Variants in TRAP1 observed in about 807,000 individuals in gnomAD.
TRAP1 encodes heat shock protein 75 kDa, mitochondrial.
Under a neutral mutation model 89.1 loss-of-function variants are expected in TRAP1, and 102 were observed. The observed-to-expected ratio is 1.15, with a 90% CI of 0.98 to 1.35. The LOEUF is 1.35. Ranked by LOEUF, TRAP1 falls within the 40% of genes most tolerant of loss-of-function variation. The pLI, the probability that TRAP1 is intolerant of heterozygous loss-of-function variation, is 0.00. For missense variants in TRAP1, 1,256 were observed against 945.3 expected (o/e 1.33, Z -4.31); for synonymous variants, 508 against 388.0 (o/e 1.31, Z -3.64).
chr16:3,693,781 C>T (rs2051248784), intron 1 of TRAP1, among the ~76,000 whole-genome samples: 1 of 151,962 alleles, frequency 6.6e-6, no homozygotes, highest in Non-Finnish European at 1.5e-5. Flanking sequence ...TCGCTTGAGC[C>T]CAGGGGTTTA....
intron 16 of TRAP1, chr16:3,659,798 C>CAAGCTAGAGTGAAATGGCATGATCT (rs1289608138): frequency 6.6e-6 from 1 of 152,014 alleles, no homozygotes. Flanking sequence ...CTCCTTCACC[C>CAAGCTAGAGTGAAATGGCATGATCT]AAGCTAGAGT....
chr16:3,670,655 G>A (rs939067209), intron 11 of TRAP1, among the ~76,000 whole-genome samples: 2 of 152,138 alleles, frequency 1.3e-5, no homozygotes, highest in Non-Finnish European at 2.9e-5. Flanking sequence ...AGTGAGCTGT[G>A]ATCACACCAC....
intron 1 of TRAP1, among the ~76,000 whole-genome samples, chr16:3,693,769 A>G (rs1444665259): frequency 6.6e-6 from 1 of 152,052 alleles, no homozygotes; most frequent in Non-Finnish European, 1.5e-5. Flanking sequence ...AAGGCAGGAG[A>G]ATCGCTTGAG....
chr16:3,663,321 C>G, intron 14 of TRAP1, 103 bp downstream of exon 14: 1 of 1,498,110 alleles, frequency 6.7e-7, no homozygotes, highest in Non-Finnish European at 9.0e-7. Context: ...TGGCTGAGCC[C>G]AGGTCAACTG....
intron 7 of TRAP1, among the ~76,000 whole-genome samples, chr16:3,675,657 C>T (rs1321422864): frequency 2.0e-5 from 3 of 152,224 alleles, no homozygotes; most frequent in Non-Finnish European, 4.4e-5. Context: ...GTGGCTGGAA[C>T]ATGGCTTTCT....
intron 14 of TRAP1, 191 bp from the exon 15 acceptor site, chr16:3,663,158 G>A (rs1257536413): frequency 4.6e-6 from 3 of 657,000 alleles, no homozygotes; most frequent in Admixed American, 3.0e-5. Context: ...CATACAACTT[G>A]GTTAGGGCTT....
rs2043137955 is a variant in TRAP1, at chr16:3,662,451, A to G, written c.1795-319T>C. The stretch of plus-strand genomic sequence containing the variant: ...GGCCCCTTCCTCCAAGTGACCATGC[A>G]TGGGACGCTCATTTCTCACTCTGAG... On this transcript the variant is annotated intron_variant, in intron 15 of 17. Coordinates refer to ENST00000246957, the MANE Select transcript of TRAP1 (RefSeq NM_016292.3). The G allele has an allele frequency of 2.0e-5, 11 of 537,490 alleles. No individual in the cohort carries two copies. In the South Asian group the frequency reaches 2.2e-4, roughly 11 times the overall value. 33.3% of individuals were successfully genotyped at this position (537,490 alleles called of 1,614,324 possible). A position where few individuals can be genotyped will look rare whatever the true frequency, so the allele number is the denominator to read the frequency against.
At chr16:3,669,737 A>G (rs1314860895) in intron 11 of TRAP1, among the ~76,000 whole-genome samples, 3 of 150,390 alleles carry the variant, frequency 2.0e-5, no homozygotes, top group African/African-American at 7.3e-5. Flanking sequence ...GGAGGCTGAG[A>G]CAGGAGAATG....
chr16:3,674,625 C>T (rs752604311), intron 8 of TRAP1, 131 bp from the exon 9 acceptor site: 13 of 1,116,770 alleles, frequency 1.2e-5, no homozygotes, highest in South Asian at 1.5e-5. Context: ...TGGTCTCAGG[C>T]GTAGACCCCT....
At chr16:3,668,160 G>A (rs2050862296) in intron 11 of TRAP1, among the ~76,000 whole-genome samples, 1 of 151,936 alleles carries the variant, frequency 6.6e-6, no homozygotes. Context: ...CTGACCTCGT[G>A]ATCCACCCGC....
intron 9 of TRAP1, 149 bp downstream of exon 9, chr16:3,674,190 G>C (rs1273472001): frequency 8.9e-7 from 1 of 1,127,768 alleles, no homozygotes; most frequent in Non-Finnish European, 1.2e-6. Flanking sequence ...CAAAGTGCTG[G>C]GATAACAGGC....
chr16:3,699,481 AC>A (rs1885552198), intron 1 of TRAP1, among the ~76,000 whole-genome samples: 1 of 87,606 alleles, frequency 1.1e-5, no homozygotes, highest in Admixed American at 1.1e-4. Context: ...TACTAAAAAT[AC>A]AAAATTAGCA....
chr16:3,683,705 G>T (rs2051102428), intron 4 of TRAP1, among the ~76,000 whole-genome samples: 1 of 151,548 alleles, frequency 6.6e-6, no homozygotes. Context: ...CAATCATAAG[G>T]GAAGCTGGGT....
At chr16:3,716,497 A>G (rs541178087) in intron 1 of TRAP1, among the ~76,000 whole-genome samples, 1 of 152,246 alleles carries the variant, frequency 6.6e-6, no homozygotes, top group South Asian at 2.1e-4. Context: ...TCCATCATAC[A>G]GAATACTGTG....
chr16:3,702,811 G>C (rs2051385025), intron 1 of TRAP1, among the ~76,000 whole-genome samples: 1 of 151,622 alleles, frequency 6.6e-6, no homozygotes, highest in African/African-American at 2.4e-5. Flanking sequence ...GGGAGGCTGT[G>C]GTAGGCGGAT....
chr16:3,689,154 G>T lies in TRAP1; in HGVS notation c.248-17C>A. The stretch of plus-strand genomic sequence containing the variant: ...AAGTGGAACCTAGTAATGAAACACA[G>T]ACACAACCAACAAAGTTTAACTTCT... On this transcript the variant is annotated splice_polypyrimidine_tract_variant and intron_variant, in intron 2 of 17. Coordinates refer to ENST00000246957, the MANE Select transcript of TRAP1 (RefSeq NM_016292.3). 1 of 1,601,082 alleles carries T rather than the reference G, an allele frequency of 6.2e-7. No individual in the cohort carries two copies. Among genetic ancestry groups the T allele is most frequent in the South Asian group, 1.1e-5 (1 of 90,110 alleles).
intron 11 of TRAP1, among the ~76,000 whole-genome samples, chr16:3,668,117 T>C (rs1567227029): frequency 1.3e-5 from 2 of 152,030 alleles, no homozygotes; most frequent in African/African-American, 2.4e-5. Context: ...TTAGTAGAGA[T>C]GGGGTTTCAC....
In TRAP1 at chr16:3,710,857, GTATATATA is replaced by G. The variant is rs377592883; in HGVS notation, c.88+6556_88+6563del. ...ATTAATTTCTTTTATATGTGTGTGTGTATATATATATATATATATATATTTTTTTTTTT... is the reference window on the plus strand; with the variant it reads ...ATTAATTTCTTTTATATGTGTGTGTGTATATATATATATATTTTTTTTTTT... On this transcript the variant is annotated intron_variant, in intron 1 of 17. Coordinates refer to ENST00000246957, the MANE Select transcript of TRAP1 (RefSeq NM_016292.3). 6.6e-5 allele frequency among the ~76,000 whole-genome samples: 9 copies of G among 135,646 alleles called. 1 individual carries two copies. Among genetic ancestry groups the G allele is most frequent in the East Asian group, 2.2e-4 (1 of 4,620 alleles). The allele number at this position is 135,646 out of a possible 152,430, so 89.0% of individuals were successfully genotyped here. A position where few individuals can be genotyped will look rare whatever the true frequency, so the allele number is the denominator to read the frequency against.
chr16:3,689,172 T>G lies in TRAP1; in HGVS notation c.248-35A>C, dbSNP rs766112722. 1.9e-6 allele frequency: 3 copies of G among 1,573,916 alleles called. No homozygotes were observed. The African/African-American group carries it at 4.1e-5, about 21-fold the overall frequency. The stretch of plus-strand genomic sequence containing the variant: ...AAACACAGACACAACCAACAAAGTT[T>G]AACTTCTATTTTTGTGCAAGAATAC... On this transcript the variant is annotated intron_variant, in intron 2 of 17. Transcript: ENST00000246957.
Sources: allele counts gnomAD v4.1 joint callset (sites outside exome capture counted in the v4.1 genomes callset), GRCh38; gene constraint gnomAD v4.1.1; transcripts MANE v1.5; gene names NCBI Gene and HGNC (gene_info 2026-07-23, HGNC 2026-07-21).